The following PDS5B variants were observed in gnomAD, a reference collection of about 807,000 sequenced individuals.
PDS5B encodes PDS5 cohesin associated factor B.
PDS5B carries 51 observed loss-of-function variants against 184.1 expected under a neutral mutation model. The observed-to-expected ratio is 0.28, with a 90% confidence interval of 0.22 to 0.35. PDS5B has a LOEUF of 0.35. Ranked by LOEUF, PDS5B falls within the 10% of genes least tolerant of loss-of-function variation. PDS5B has a pLI of 1.00. For synonymous variants in PDS5B, 566 were observed against 569.2 expected (o/e 0.99, Z 0.08); for missense variants, 1,180 against 1,723.3 (o/e 0.68, Z 5.58).
intron 1 of PDS5B, among the ~76,000 whole-genome samples, chr13:32,597,885 A>G (rs1249471369): frequency 1.3e-5 from 2 of 151,918 alleles, no homozygotes; most frequent in African/African-American, 4.8e-5. Context: ...TTAACATAAA[A>G]TATGTTTTAA....
Position 32,777,641 on chromosome 13 carries a change from A to G in PDS5B, c.*2589A>G, listed in dbSNP as rs1173769754. ...TTCCATTATGAAAATCTTATTCCTC[A>G]GTGAGGTTATCTTGCTGCACTCTGT... On this transcript the variant is annotated 3_prime_UTR_variant, in exon 35 of 35. Transcript: ENST00000315596. 6.6e-6 allele frequency: 1 copy of G among 152,266 alleles called. No individual in the cohort carries two copies. Among genetic ancestry groups the G allele is most frequent in the Non-Finnish European group, 1.5e-5 (1 of 67,794 alleles). The allele number at this position is 152,266 out of a possible 1,614,324, so 9.4% of individuals were successfully genotyped here.
intron 19 of PDS5B, among the ~76,000 whole-genome samples, chr13:32,716,842 T>G (rs868529522): frequency 0.26 from 19,145 of 73,550 alleles, 3,217 homozygotes; most frequent in Non-Finnish European, 0.31. Flanking sequence ...GGAGGGAGGT[T>G]GGGGGGTCAG....
intron 1 of PDS5B, among the ~76,000 whole-genome samples, chr13:32,608,504 T>C (rs1359360962): frequency 6.6e-6 from 1 of 152,078 alleles, no homozygotes; most frequent in Non-Finnish European, 1.5e-5. Context: ...GTAGGAAGCG[T>C]TTGTATGCTT....
intron 1 of PDS5B, among the ~76,000 whole-genome samples, chr13:32,594,702 T>C (rs1458730347): frequency 1.3e-5 from 2 of 152,200 alleles, no homozygotes; most frequent in African/African-American, 4.8e-5. Context: ...TATTTGTTTT[T>C]GTTTTTGTAC....
At chr13:32,714,818 T>C (rs1363027507) in intron 19 of PDS5B, among the ~76,000 whole-genome samples, 1 of 152,204 alleles carries the variant, frequency 6.6e-6, no homozygotes. Context: ...ATTTGTGTAG[T>C]TAACACAATT....
At position 32,745,831 on chromosome 13, in the gene PDS5B, A is replaced by G. The variant is rs146349442; in HGVS notation, c.2613-146A>G. The G allele has an allele frequency of 4.3e-5, 28 of 650,354 alleles. No individual in the cohort carries two copies. In the East Asian group the frequency reaches 7.4e-4, roughly 17 times the overall value. The allele number at this position is 650,354 out of a possible 1,614,324, so 40.3% of individuals were successfully genotyped here. A position where few individuals can be genotyped will look rare whatever the true frequency, so the allele number is the denominator to read the frequency against. ...CTCCTAGGTACTTGCATTTCAACATAGGAATTTTGGGGGACACAAACATTC... is the reference window on the plus strand; with the variant it reads ...CTCCTAGGTACTTGCATTTCAACATGGGAATTTTGGGGGACACAAACATTC... On this transcript the variant is annotated intron_variant, in intron 23 of 34. Coordinates refer to ENST00000315596, the MANE Select transcript of PDS5B (RefSeq NM_015032.4).
intron 2 of PDS5B, among the ~76,000 whole-genome samples, chr13:32,650,883 T>C (rs961216601): frequency 2.6e-5 from 4 of 152,206 alleles, no homozygotes. Context: ...ACATTTAACA[T>C]TGATACTTTG....
chr13:32,723,251 A>G (rs1295157431), intron 19 of PDS5B, among the ~76,000 whole-genome samples: 1 of 152,184 alleles, frequency 6.6e-6, no homozygotes, highest in African/African-American at 2.4e-5. Context: ...CTTACTTATT[A>G]ATGTCTGTAT....
Position 32,777,573 on chromosome 13 carries a change from G to A in PDS5B, c.*2521G>A, listed in dbSNP as rs2141057130. 1 of 152,310 alleles carries A rather than the reference G, an allele frequency of 6.6e-6. No individual in the cohort carries two copies. The highest frequency in any genetic ancestry group is 1.5e-5 in the Non-Finnish European group (1 of 67,790). The allele number at this position is 152,310 out of a possible 1,614,324, so 9.4% of individuals were successfully genotyped here. A position where few individuals can be genotyped will look rare whatever the true frequency, so the allele number is the denominator to read the frequency against. On this transcript the variant is annotated 3_prime_UTR_variant, in exon 35 of 35. Coordinates refer to ENST00000315596, the MANE Select transcript of PDS5B (RefSeq NM_015032.4). ...GTGATAATGTTCATTTTGAAAATAT[G>A]TACTGTATAACATTAAGAAAATATT...
chr13:32,615,321 T>G (rs906390397), intron 1 of PDS5B, among the ~76,000 whole-genome samples: 3 of 152,216 alleles, frequency 2.0e-5, no homozygotes, highest in Admixed American at 6.5e-5. Context: ...TACATTATTT[T>G]CAGTTACTCA....
At chr13:32,667,314 C>CT (rs1204781351) in intron 6 of PDS5B, among the ~76,000 whole-genome samples, 9 of 152,102 alleles carry the variant, frequency 5.9e-5, no homozygotes, top group Non-Finnish European at 1.2e-4. Context: ...GAGTAATCTG[C>CT]TTTTTTACAG....
Position 32,673,373 on chromosome 13 carries a change from A to G in PDS5B, c.846+17A>G, listed in dbSNP as rs774914722. 1 of 1,597,204 alleles carries G rather than the reference A, an allele frequency of 6.3e-7. No individual in the cohort carries two copies. The highest frequency in any genetic ancestry group is 1.1e-5 in the South Asian group (1 of 88,636). On this transcript the variant is annotated intron_variant, in intron 8 of 34. Coordinates refer to ENST00000315596, the MANE Select transcript of PDS5B (RefSeq NM_015032.4). ...AAATTAAAGGTAACTTGTAAAAATA[A>G]TATGATTCTACCAACCAAGTTATTA...
At chr13:32,666,600 TAA>T (rs68181366) in intron 6 of PDS5B, among the ~76,000 whole-genome samples, 67,243 of 148,200 alleles carry the variant, frequency 0.45, 15,494 homozygotes, top group African/African-American at 0.55. Flanking sequence ...TACATATCCA[TAA>T]AAAAAAAAAT....
At chr13:32,741,214 AAATTTC>A in intron 22 of PDS5B, 66 bp downstream of exon 22, 1 of 880,626 alleles carries the variant, frequency 1.1e-6, no homozygotes, top group Middle Eastern at 2.3e-4. Flanking sequence ...TGAGGTATTA[AAATTTC>A]TATTTCTATT....
In PDS5B at chr13:32,775,094, A is replaced by ATTTTTT; in HGVS notation, c.*42_*43insTTTTTT. ...ACTTTCTCTGTGAAAGCTTTGGAAA[A>ATTTTTT]ATCTTTTTTTTTTTTTTTGGTCAAG... On this transcript the variant is annotated 3_prime_UTR_variant, in exon 35 of 35. Transcript: ENST00000315596. The ATTTTTT allele has an allele frequency of 5.0e-6, 3 of 597,306 alleles. No homozygotes were observed. The Admixed American group carries it at 1.6e-4, about 31-fold the overall frequency. The allele number at this position is 597,306 out of a possible 1,614,324, so 37.0% of individuals were successfully genotyped here. A position where few individuals can be genotyped will look rare whatever the true frequency, so the allele number is the denominator to read the frequency against.
rs1448136649 is a variant in PDS5B, at chr13:32,678,901, C to T, written c.1029C>T (p.Asn343=). Reference sequence around the variant, plus strand: ...AATTTGCTAGCCATTGTCTCATGAACCATCCTGATTTAGCAAAAGACTTAA... The same window carrying T: ...AATTTGCTAGCCATTGTCTCATGAATCATCCTGATTTAGCAAAAGACTTAA... ...CVKFASHCLM[N]HPDLAKDLTE... The change falls in exon 10 of 35, where the codon AAC becomes AAT. Residue 343 remains asparagine, a synonymous_variant. Coordinates refer to ENST00000315596, the MANE Select transcript of PDS5B (RefSeq NM_015032.4). 1 of 1,602,034 alleles carries T rather than the reference C, an allele frequency of 6.2e-7. No individual in the cohort carries two copies. The highest frequency in any genetic ancestry group is 8.6e-7 in the Non-Finnish European group (1 of 1,169,252).
At chr13:32,650,729 C>A (rs1950347564) in intron 2 of PDS5B, 1 of 152,202 alleles carries the variant, frequency 6.6e-6, no homozygotes, top group African/African-American at 2.4e-5. Flanking sequence ...GTTCTGGTAT[C>A]TGGCATAATA....
intron 6 of PDS5B, among the ~76,000 whole-genome samples, chr13:32,665,588 C>CAAA (rs34604938): frequency 0.27 from 6,903 of 25,858 alleles, 1,948 homozygotes; most frequent in Non-Finnish European, 0.35. Context: ...GACTCCGACT[C>CAAA]AAAAAAAAAA....
chr13:32,591,862 G>A (rs902822501), intron 1 of PDS5B, among the ~76,000 whole-genome samples: 1 of 152,178 alleles, frequency 6.6e-6, no homozygotes, highest in Admixed American at 6.5e-5. Context: ...AGAGAAGTGG[G>A]ACTTTAAGAA....
Sources: gnomAD v4.1 joint callset for allele counts (sites outside exome capture counted in the v4.1 genomes callset) on GRCh38, gnomAD v4.1.1 for gene constraint, MANE v1.5 for transcripts, NCBI Gene and HGNC (gene_info 2026-07-23, HGNC 2026-07-21) for gene names.